ZFHX3: variants seen among roughly 807,000 people sequenced by gnomAD.
ZFHX3 encodes zinc finger homeobox protein 3.
In ZFHX3, 42 loss-of-function variants were observed where a neutral mutation model predicts 279.1. That is an observed-to-expected ratio of 0.15 (90% confidence interval 0.12 to 0.19). The LOEUF (loss-of-function observed/expected upper bound fraction) is 0.19. Among genes scored for constraint, ZFHX3 ranks in the 10% least tolerant of loss-of-function variants. The pLI, the probability that ZFHX3 is intolerant of heterozygous loss-of-function variation, is 1.00. For synonymous variants in ZFHX3, 2,293 were observed against 1,957.8 expected (o/e 1.17, Z -4.52); for missense variants, 4,981 against 4,754.0 (o/e 1.05, Z -1.40).
At chr16:72,803,564 T>C (rs1338314441) in intron 7 of ZFHX3, among the ~76,000 whole-genome samples, 2 of 152,156 alleles carry the variant, frequency 1.3e-5, no homozygotes, top group African/African-American at 4.8e-5. Context: ...TTCCCCTCTC[T>C]GGCCGCAATC....
intron 5 of ZFHX3, among the ~76,000 whole-genome samples, chr16:73,145,520 G>A (rs1966859231): frequency 6.6e-6 from 1 of 152,230 alleles, no homozygotes; most frequent in South Asian, 2.1e-4. Context: ...GCTGATCACA[G>A]CTAAAGACTG....
chr16:73,110,417 C>T (rs1454271980), intron 7 of ZFHX3, among the ~76,000 whole-genome samples: 1 of 152,042 alleles, frequency 6.6e-6, no homozygotes, highest in Non-Finnish European at 1.5e-5. Flanking sequence ...AAAGATACAT[C>T]AGTGATATTT....
At chr16:73,041,788 G>A (rs1458149372) in intron 1 of ZFHX3, among the ~76,000 whole-genome samples, 1 of 152,202 alleles carries the variant, frequency 6.6e-6, no homozygotes, top group African/African-American at 2.4e-5. Context: ...TAAAAGGGAA[G>A]CAGAAACCAT....
In ZFHX3 at chr16:73,468,622, A is replaced by G. The variant is rs1257752749; in HGVS notation, c.-1546-12364T>C. Among the ~76,000 whole-genome samples, 6 of 152,280 alleles carry G rather than the reference A, an allele frequency of 3.9e-5. No homozygotes were observed. The East Asian group carries it at 9.6e-4, about 24-fold the overall frequency. Reference sequence around the variant, plus strand: ...TGTGGTGGGACATGCCTGTAATCCCAGCTTCTTGGAAGGCTGAAGTATGAG... The same window carrying G: ...TGTGGTGGGACATGCCTGTAATCCCGGCTTCTTGGAAGGCTGAAGTATGAG... On this transcript the variant is annotated intron_variant, in intron 2 of 17. Transcript: ENST00000641206.
chr16:73,027,616 T>G (rs1469686080), intron 1 of ZFHX3, among the ~76,000 whole-genome samples: 1 of 152,158 alleles, frequency 6.6e-6, no homozygotes, highest in Admixed American at 6.5e-5. Flanking sequence ...TGAAGAGTCC[T>G]CCTTAAATAC....
intron 2 of ZFHX3, among the ~76,000 whole-genome samples, chr16:73,478,812 G>T (rs1208921439): frequency 6.6e-6 from 1 of 152,094 alleles, no homozygotes; most frequent in East Asian, 1.9e-4. Flanking sequence ...CAGCACTTTG[G>T]GAGGCCCAGG....
At chr16:73,278,145 CT>C (rs1244407771) in intron 4 of ZFHX3, among the ~76,000 whole-genome samples, 1 of 152,134 alleles carries the variant, frequency 6.6e-6, no homozygotes, top group Non-Finnish European at 1.5e-5. Flanking sequence ...GTACTTTTAT[CT>C]TTTCCATTAA....
chr16:73,743,570 C>T lies in ZFHX3; in HGVS notation c.-1607-63330G>A, dbSNP rs934280783. On this transcript the variant is annotated intron_variant, in intron 1 of 17. Transcript: ENST00000641206. The stretch of plus-strand genomic sequence containing the variant: ...TCCTCTAGACAATGCTGACAATTAC[C>T]TATACTTTAAATATATGGAAGTATG... Among the ~76,000 whole-genome samples the T allele has an allele frequency of 2.0e-5, 3 of 152,176 alleles. No homozygotes were observed. The East Asian group carries it at 5.8e-4, about 29-fold the overall frequency.
chr16:73,363,166 C>T (rs1324664966), intron 3 of ZFHX3, among the ~76,000 whole-genome samples: 1 of 152,216 alleles, frequency 6.6e-6, no homozygotes, highest in African/African-American at 2.4e-5. Context: ...AGCCAACCTA[C>T]CATTTCACAA....
intron 2 of ZFHX3, among the ~76,000 whole-genome samples, chr16:73,604,227 G>A (rs529339297): frequency 8.9e-4 from 136 of 152,184 alleles, no homozygotes; most frequent in African/African-American, 3.1e-3. Context: ...TCTGGATAGA[G>A]GGATTATGGC....
intron 4 of ZFHX3, among the ~76,000 whole-genome samples, chr16:73,261,344 A>G (rs1281533841): frequency 1.3e-5 from 2 of 152,214 alleles, no homozygotes; most frequent in African/African-American, 2.4e-5. Context: ...AGTGCATAAA[A>G]TATCTCTGGA....
rs570611715 is a variant in ZFHX3 at position 72,903,867 on chromosome 16, C to G, written c.3217-13905G>C. Among the ~76,000 whole-genome samples the G allele has an allele frequency of 2.7e-4, 41 of 152,292 alleles. No homozygotes were observed. The South Asian group carries it at 6.2e-3, about 23-fold the overall frequency. ...CCCTGCACTATGCAGAGACCCAGCT[C>G]ACAGACCACTCCTACTCCAAAGCTG... On this transcript the variant is annotated intron_variant, in intron 3 of 9. Transcript: ENST00000268489.
At chr16:73,808,851 G>C (rs757123397) in intron 1 of ZFHX3, among the ~76,000 whole-genome samples, 2 of 152,154 alleles carry the variant, frequency 1.3e-5, no homozygotes, top group Non-Finnish European at 2.9e-5. Context: ...CTAGCATTCT[G>C]AGCAGCCTTA....
intron 1 of ZFHX3, among the ~76,000 whole-genome samples, chr16:73,789,061 A>T (rs2142312610): frequency 6.6e-6 from 1 of 150,648 alleles, no homozygotes; most frequent in African/African-American, 2.4e-5. Flanking sequence ...GATATCTTAT[A>T]TATATCATAT....
intron 2 of ZFHX3, among the ~76,000 whole-genome samples, chr16:73,516,388 C>A (rs1215826084): frequency 6.6e-6 from 1 of 152,126 alleles, no homozygotes; most frequent in Non-Finnish European, 1.5e-5. Flanking sequence ...GATACACAAA[C>A]TCACATATAC....
rs576124067 is a variant in ZFHX3, at chr16:72,859,515, G to T, written c.3449-29656C>A. Among the ~76,000 whole-genome samples the T allele has an allele frequency of 3.8e-4, 58 of 152,252 alleles. 1 individual carries two copies. The highest frequency in any genetic ancestry group is 1.2e-3 in the African/African-American group (48 of 41,552). On this transcript the variant is annotated intron_variant, in intron 4 of 9. Transcript: ENST00000268489. ...GAAGTCTGGAAGAGATTCCCAACTT[G>T]GACATGTGGAAGTCCACTTATAAGG...
At chr16:73,403,711 G>A (rs371864069) in intron 3 of ZFHX3, among the ~76,000 whole-genome samples, 1 of 152,162 alleles carries the variant, frequency 6.6e-6, no homozygotes, top group South Asian at 2.1e-4. Context: ...GGCCGGTGGC[G>A]AACACATCCA....
intron 7 of ZFHX3, among the ~76,000 whole-genome samples, chr16:73,096,802 A>T (rs967482532): frequency 6.6e-6 from 1 of 152,106 alleles, no homozygotes. Flanking sequence ...TCTTCAAGGC[A>T]GAAGTATGCC....
intron 2 of ZFHX3, among the ~76,000 whole-genome samples, chr16:73,617,395 A>G (rs913426941): frequency 2.0e-5 from 3 of 152,242 alleles, no homozygotes; most frequent in Non-Finnish European, 4.4e-5. Flanking sequence ...TACACTGGGG[A>G]TCGTGCAGGT....
Sources: gnomAD v4.1 joint callset for allele counts (sites outside exome capture counted in the v4.1 genomes callset) on GRCh38, gnomAD v4.1.1 for gene constraint, MANE v1.5 for transcripts, NCBI Gene and HGNC (gene_info 2026-07-23, HGNC 2026-07-21) for gene names.